KIRREL3: variants seen among roughly 807,000 people sequenced by gnomAD.
KIRREL3 encodes the protein kirre like nephrin family adhesion molecule 3.
KIRREL3 carries 36 observed loss-of-function variants against 89.7 expected under a neutral mutation model. The observed-to-expected ratio is 0.40, with a 90% CI of 0.31 to 0.53. The LOEUF (loss-of-function observed/expected upper bound fraction) is 0.53. Among genes scored for constraint, KIRREL3 ranks in the 20% least tolerant of loss-of-function variants. The pLI is 0.49. For synonymous variants in KIRREL3, 445 were observed against 441.4 expected, an observed-to-expected ratio of 1.01 and a Z score of -0.10; for missense variants, 864 against 1,056.6, an observed-to-expected ratio of 0.82 and a Z score of 2.53.
Position 126,639,117 on chromosome 11 carries a change from C to G in KIRREL3, c.56-76205G>C, listed in dbSNP as rs562334818. On this transcript the variant is annotated intron_variant, in intron 1 of 16. Transcript: ENST00000525144. The surrounding 1 kb of genome is among the most constrained non-coding windows in gnomAD (Gnocchi z 4.3). ...GTTTCTTCATGACTTGGCCAGCCCC[C>G]CAATCATCCCAAAGCCCAGTTAAGA... 1.6e-4 allele frequency among the ~76,000 whole-genome samples: 24 copies of G among 152,168 alleles called. No homozygotes were observed. The highest frequency in any genetic ancestry group is 2.8e-4 in the Non-Finnish European group (19 of 68,024).
rs933561606 is a variant in KIRREL3 at position 126,474,768 on chromosome 11, C to G, written c.434-1302G>C. On this transcript the variant is annotated intron_variant, in intron 4 of 16. Coordinates refer to ENST00000525144, the MANE Select transcript of KIRREL3 (RefSeq NM_032531.4). The surrounding 1 kb of genome is among the most constrained non-coding windows in gnomAD (Gnocchi z 6.7). ...ACTCCACTGACATTTGCTGGCCCCA[C>G]TGGGGTCACCCTTTGATTCCGATGA... is the stretch of plus-strand genomic sequence containing the variant. Among the ~76,000 whole-genome samples, 11 of 152,248 alleles carry G rather than the reference C, an allele frequency of 7.2e-5. No individual in the cohort carries two copies. The highest frequency in any genetic ancestry group is 1.5e-4 in the Non-Finnish European group (10 of 68,042).
At chr11:126,510,421 T>TTTCC (rs202158249) in intron 4 of KIRREL3, among the ~76,000 whole-genome samples, 9,448 of 126,332 alleles carry the variant, frequency 0.075, 477 homozygotes, top group African/African-American at 0.11. Flanking sequence ...CCTGACGTTG[T>TTTCC]TTCCTTCCTT....
intron 2 of KIRREL3, among the ~76,000 whole-genome samples, chr11:126,533,498 G>T (rs1388295205): frequency 6.6e-6 from 1 of 152,200 alleles, no homozygotes; most frequent in East Asian, 1.9e-4. Context: ...TCTCTGGGTG[G>T]ATCAGAGTTG....
rs1389858584 is a variant in KIRREL3, at chr11:126,999,153, T to TGA, written c.55+1301_55+1302insTC. On this transcript the variant is annotated intron_variant, in intron 1 of 16. Coordinates refer to ENST00000525144, the MANE Select transcript of KIRREL3 (RefSeq NM_032531.4). This position sits in a 1 kb window ranked among gnomAD's most constrained non-coding sequence, Gnocchi z 5.7. ...ACACAACCATATGAATACATGAGTGTGTGTGTGTGTGTGTGTGTACATACA... is the reference window on the plus strand; with the variant it reads ...ACACAACCATATGAATACATGAGTGTGAGTGTGTGTGTGTGTGTGTACATACA... Among the ~76,000 whole-genome samples the TGA allele has an allele frequency of 6.6e-6, 1 of 151,638 alleles. No individual in the cohort carries two copies. The highest frequency in any genetic ancestry group is 1.5e-5 in the Non-Finnish European group (1 of 67,918).
At chr11:126,800,588 A>G (rs1951000304) in intron 1 of KIRREL3, among the ~76,000 whole-genome samples, 1 of 152,174 alleles carries the variant, frequency 6.6e-6, no homozygotes, top group South Asian at 2.1e-4. Flanking sequence ...ATTCTCAAAT[A>G]TCCTTCTCTC....
At chr11:126,637,611 A>G (rs1253854635) in intron 1 of KIRREL3, among the ~76,000 whole-genome samples, 1 of 152,220 alleles carries the variant, frequency 6.6e-6, no homozygotes, top group Non-Finnish European at 1.5e-5. Context: ...TCCTGATAAA[A>G]ACATGGCTAG....
rs184537938 is a variant in KIRREL3, at chr11:126,890,785, C to A, written c.55+109670G>T. Among the ~76,000 whole-genome samples, 148 of 152,362 alleles carry A rather than the reference C, an allele frequency of 9.7e-4. 1 individual carries two copies. The highest frequency in any genetic ancestry group is 3.4e-3 in the Middle Eastern group (1 of 294). On this transcript the variant is annotated intron_variant, in intron 1 of 16. Coordinates refer to ENST00000525144, the MANE Select transcript of KIRREL3 (RefSeq NM_032531.4). This position sits in a 1 kb window ranked among gnomAD's most constrained non-coding sequence, Gnocchi z 5.1. Reference sequence around the variant, plus strand: ...GCGTCCCCCAGTCCCAGCACCACAGCGGCCTGCCTGTGCCCAGCGCTGCCC... The same window carrying A: ...GCGTCCCCCAGTCCCAGCACCACAGAGGCCTGCCTGTGCCCAGCGCTGCCC...
Position 126,692,609 on chromosome 11 carries a change from A to C in KIRREL3, c.56-129697T>G, listed in dbSNP as rs113465173. Among the ~76,000 whole-genome samples the C allele has an allele frequency of 5.9e-4, 89 of 152,114 alleles. 1 individual carries two copies. Among genetic ancestry groups the C allele is most frequent in the African/African-American group, 2.1e-3 (86 of 41,524 alleles). ...CAACCCAAGTATTCATCAATGATGA[A>C]TGGATAAACAAAATATAGCATATAC... On this transcript the variant is annotated intron_variant, in intron 1 of 16. Transcript: ENST00000525144.
chr11:126,710,086 T>C lies in KIRREL3; in HGVS notation c.56-147174A>G, dbSNP rs1947698418. Among the ~76,000 whole-genome samples, 1 of 152,084 alleles carries C rather than the reference T, an allele frequency of 6.6e-6. No individual in the cohort carries two copies. The highest frequency in any genetic ancestry group is 1.5e-5 in the Non-Finnish European group (1 of 68,018). On this transcript the variant is annotated intron_variant, in intron 1 of 16. Coordinates refer to ENST00000525144, the MANE Select transcript of KIRREL3 (RefSeq NM_032531.4). This position sits in a 1 kb window ranked among gnomAD's most constrained non-coding sequence, Gnocchi z 4.2. Reference sequence around the variant, plus strand: ...GTCCCTAGGAGACACACATAATGAGTATCAAGTCTGGCATTGGAATCCCAA... The same window carrying C: ...GTCCCTAGGAGACACACATAATGAGCATCAAGTCTGGCATTGGAATCCCAA...
At chr11:126,757,576 C>T (rs1183749768) in intron 1 of KIRREL3, among the ~76,000 whole-genome samples, 2 of 152,062 alleles carry the variant, frequency 1.3e-5, no homozygotes, top group African/African-American at 4.8e-5. Flanking sequence ...GGCAGGGGGC[C>T]CAGCAGTTTT....
intron 1 of KIRREL3, among the ~76,000 whole-genome samples, chr11:126,617,498 T>C (rs970703073): frequency 5.3e-5 from 8 of 152,232 alleles, no homozygotes; most frequent in African/African-American, 1.4e-4. Flanking sequence ...TTAAGAGACA[T>C]ACTATTTTCT....
intron 8 of KIRREL3, 98 bp downstream of exon 8, chr11:126,448,911 T>C (rs916868847): frequency 1.1e-5 from 14 of 1,273,390 alleles, no homozygotes; most frequent in Non-Finnish European, 1.5e-5. Context: ...GCATGAAGCT[T>C]GTGTTGTGTG....
At chr11:126,679,394 C>A (rs1348897989) in intron 1 of KIRREL3, among the ~76,000 whole-genome samples, 1 of 152,176 alleles carries the variant, frequency 6.6e-6, no homozygotes, top group Admixed American at 6.5e-5. Flanking sequence ...TATTGAGCAG[C>A]ATATGCGTGT....
At chr11:126,760,460 G>A (rs988499632) in intron 1 of KIRREL3, among the ~76,000 whole-genome samples, 4 of 152,210 alleles carry the variant, frequency 2.6e-5, no homozygotes, top group South Asian at 2.1e-4. Flanking sequence ...TTTCTGAGAA[G>A]CTGCTTCATG....
rs189828517 is a variant in KIRREL3, at chr11:126,434,408, C to T, written c.1588+860G>A. ...GGAGGCTGGCAGCTTTCTGGGTTGC[C>T]CCAGTGTGGGCTGCAGGGGCCTCTG... On this transcript the variant is annotated intron_variant, in intron 13 of 16. Coordinates refer to ENST00000525144, the MANE Select transcript of KIRREL3 (RefSeq NM_032531.4). Among the ~76,000 whole-genome samples the T allele has an allele frequency of 3.8e-4, 58 of 152,362 alleles. 1 individual carries two copies. The East Asian group carries it at 0.01, about 27-fold the overall frequency.
chr11:126,507,768 C>G (rs181361323), intron 4 of KIRREL3, among the ~76,000 whole-genome samples: 1 of 152,306 alleles, frequency 6.6e-6, no homozygotes, highest in Admixed American at 6.5e-5. Context: ...TGTTTCTTAG[C>G]AGACCTGTTG....
chr11:126,850,931 A>G lies in KIRREL3; in HGVS notation c.55+149524T>C, dbSNP rs576156670. On this transcript the variant is annotated intron_variant, in intron 1 of 16. Coordinates refer to ENST00000525144, the MANE Select transcript of KIRREL3 (RefSeq NM_032531.4). ...GACTAACAGTTACCGGACAGGCCCA[A>G]GTCACACATACACTGCAAAATAAAC... is the stretch of plus-strand genomic sequence containing the variant. Among the ~76,000 whole-genome samples the G allele has an allele frequency of 3.9e-5, 6 of 152,352 alleles. No individual in the cohort carries two copies. In the South Asian group the frequency reaches 6.2e-4, roughly 16 times the overall value.
chr11:126,655,672 G>A lies in KIRREL3; in HGVS notation c.56-92760C>T, dbSNP rs760339692. On this transcript the variant is annotated intron_variant, in intron 1 of 16. Coordinates refer to ENST00000525144, the MANE Select transcript of KIRREL3 (RefSeq NM_032531.4). The surrounding 1 kb of genome is among the most constrained non-coding windows in gnomAD (Gnocchi z 5.0). ...GTGTGTGCCCGTCCACCCTGGGAGA[G>A]GCTTATGAAGGCTGTGTCTCAAGCA... is the stretch of plus-strand genomic sequence containing the variant. Among the ~76,000 whole-genome samples, 2 of 152,152 alleles carry A rather than the reference G, an allele frequency of 1.3e-5. No homozygotes were observed. The highest frequency in any genetic ancestry group is 4.1e-4 in the South Asian group (2 of 4,828).
intron 1 of KIRREL3, among the ~76,000 whole-genome samples, chr11:126,701,216 C>A (rs184639416): frequency 5.3e-5 from 8 of 152,112 alleles, no homozygotes; most frequent in Non-Finnish European, 8.8e-5. Flanking sequence ...TGTGTGTTTG[C>A]GTGTGTGCAT....
Sources: allele counts gnomAD v4.1 joint callset (sites outside exome capture counted in the v4.1 genomes callset), GRCh38; gene constraint gnomAD v4.1.1; non-coding constraint Gnocchi (gnomAD v3.1); transcripts MANE v1.5; gene names NCBI Gene and HGNC (gene_info 2026-07-23, HGNC 2026-07-21).